FDX2: variants seen among roughly 807,000 people sequenced by gnomAD.
FDX2 encodes ferredoxin-2, mitochondrial.
A neutral mutation model predicts 18.5 loss-of-function variants in FDX2; 13 were observed. The observed-to-expected ratio is 0.70, with a 90% confidence interval of 0.46 to 1.12. FDX2 has a LOEUF of 1.12. FDX2 is among the 50% of genes most tolerant of loss of function. FDX2 has a pLI of 0.00. For synonymous variants in FDX2, 132 were observed against 106.2 expected, an observed-to-expected ratio of 1.24 and a Z score of -1.49; for missense variants, 238 against 250.4, an observed-to-expected ratio of 0.95 and a Z score of 0.34.
chr19:10,311,703 ATT>A (rs35145849), intron 3 of FDX2, among the ~76,000 whole-genome samples: 36 of 116,804 alleles, frequency 3.1e-4, no homozygotes, highest in Admixed American at 2.7e-4. Context: ...CCCGGCCAGG[ATT>A]TTTTTTTTTT....
At chr19:10,315,641 G>C (rs111313038) in intron 2 of FDX2, 64 bp downstream of exon 2, 1 of 1,534,114 alleles carries the variant, frequency 6.5e-7, no homozygotes, top group Non-Finnish European at 8.8e-7. Context: ...AAGCTACAGG[G>C]CAAGATGGGG....
At chr19:10,314,748 G>A (rs914869771) in intron 3 of FDX2, among the ~76,000 whole-genome samples, 3 of 152,172 alleles carry the variant, frequency 2.0e-5, no homozygotes, top group African/African-American at 4.8e-5. Flanking sequence ...TTCAGACAGA[G>A]GGAACAGCAA....
In FDX2 at chr19:10,310,489, G is replaced by C; in HGVS notation, c.558C>G (p.His186Gln). ...TGGAATGGTCCAGGTGTTCATGTCA[G>C]TGGGGCTTGGGGACATGGCCATCCA... The change falls in exon 5 of 5, where the codon CAC becomes CAG. Residue 186 changes from histidine (H) to glutamine (Q), a missense_variant. His to Gln is a conservative substitution (Grantham distance 24, BLOSUM62 0). Transcript: ENST00000393708. 1 of 1,614,190 alleles carries C rather than the reference G, an allele frequency of 6.2e-7. No individual in the cohort carries two copies. The highest frequency in any genetic ancestry group is 8.5e-7 in the Non-Finnish European group (1 of 1,180,030).
At chr19:10,311,031 C>T in intron 3 of FDX2, 91 bp from the exon 4 acceptor site, 4 of 889,576 alleles carry the variant, frequency 4.5e-6, no homozygotes, top group Non-Finnish European at 6.9e-6. Context: ...ACCTCTCTTC[C>T]ACCACGTGCC....
intron 3 of FDX2, 49 bp downstream of exon 3, chr19:10,315,337 T>TTTTTTTTTG: frequency 9.4e-7 from 1 of 1,064,558 alleles, no homozygotes; most frequent in Non-Finnish European, 1.3e-6. Context: ...TTTTTTTTTT[T>TTTTTTTTTG]TGGACAAATG....
chr19:10,311,940 G>A (rs1349408715), intron 3 of FDX2, among the ~76,000 whole-genome samples: 5 of 142,256 alleles, frequency 3.5e-5, no homozygotes, highest in Non-Finnish European at 7.5e-5. Flanking sequence ...GTATGATCTC[G>A]GCTCAATGCA....
At chr19:10,313,484 T>C (rs963364061) in intron 3 of FDX2, among the ~76,000 whole-genome samples, 1 of 151,628 alleles carries the variant, frequency 6.6e-6, no homozygotes, top group Non-Finnish European at 1.5e-5. Context: ...CACAGATTAG[T>C]GGCTACAATG....
rs185280935 is a variant in FDX2 at position 10,312,160 on chromosome 19, G to A, written c.317-1220C>T. Among the ~76,000 whole-genome samples, 30 of 145,108 alleles carry A rather than the reference G, an allele frequency of 2.1e-4. 1 individual carries two copies. In the East Asian group the frequency reaches 5.1e-3, roughly 24 times the overall value. On this transcript the variant is annotated intron_variant, in intron 3 of 4. Transcript: ENST00000393708. ...GCTGGGATTACAGGTGTGAGCCACC[G>A]CACCTGGCCATATTTTTTTTTTTTT...
At chr19:10,314,735 C>G (rs1034193445) in intron 3 of FDX2, among the ~76,000 whole-genome samples, 2 of 152,184 alleles carry the variant, frequency 1.3e-5, no homozygotes, top group African/African-American at 4.8e-5. Context: ...GCTGGGAAAG[C>G]ACTTCAGACA....
chr19:10,315,631 A>C, intron 2 of FDX2, 74 bp downstream of exon 2: 1 of 1,527,488 alleles, frequency 6.5e-7, no homozygotes. Flanking sequence ...CCTCGAGATG[A>C]AGCTACAGGG....
intron 3 of FDX2, among the ~76,000 whole-genome samples, chr19:10,314,355 A>G (rs781289294): frequency 6.6e-6 from 1 of 152,260 alleles, no homozygotes. Context: ...GGCAACAGAT[A>G]AGCATGAATA....
intron 3 of FDX2, among the ~76,000 whole-genome samples, chr19:10,314,506 T>C (rs1182428113): frequency 6.6e-6 from 1 of 151,396 alleles, no homozygotes; most frequent in Non-Finnish European, 1.5e-5. Context: ...AGTTCAAGGC[T>C]GCAGTGAGGT....
At position 10,316,011 on chromosome 19, in the gene FDX2, G is replaced by C. The variant is rs755146983; in HGVS notation, c.-6C>G. The C allele has an allele frequency of 1.3e-6, 2 of 1,595,094 alleles. No homozygotes were observed. Among genetic ancestry groups the C allele is most frequent in the Non-Finnish European group, 1.7e-6 (2 of 1,175,336 alleles). On this transcript the variant is annotated 5_prime_UTR_variant, in exon 1 of 5. Coordinates refer to ENST00000393708, the MANE Select transcript of FDX2 (RefSeq NM_001031734.4). ...GAGGCGGCCATGACATGCATCACGT[G>C]ACTCACCGACTGAGCATGCGCCGCG... is the stretch of plus-strand genomic sequence containing the variant.
chr19:10,311,700 AG>A (rs1372631515), intron 3 of FDX2, among the ~76,000 whole-genome samples: 2 of 135,282 alleles, frequency 1.5e-5, no homozygotes, highest in Non-Finnish European at 3.1e-5. Context: ...GCACCCGGCC[AG>A]GATTTTTTTT....
chr19:10,310,923 G>C lies in FDX2; in HGVS notation c.334C>G (p.Leu112Val). The C allele has an allele frequency of 6.2e-7, 1 of 1,613,010 alleles. No homozygotes were observed. Among genetic ancestry groups the C allele is most frequent in the Non-Finnish European group, 8.5e-7 (1 of 1,179,478 alleles). The change falls in exon 4 of 5, where the codon CTG (leucine) becomes GTG (valine). Residue 112 changes from leucine (L) to valine (V), a missense_variant. Transcript: ENST00000393708. ...TACACATGGCAGGTGGAGCAGGCCA[G>C]GGAGGCTTCACAGGCCCCTAGGGGT... is the stretch of plus-strand genomic sequence containing the variant.
At chr19:10,310,685 CTGGG>C in intron 4 of FDX2, 43 bp from the exon 5 acceptor site, 4 of 641,282 alleles carry the variant, frequency 6.2e-6, no homozygotes, top group Non-Finnish European at 7.1e-6. Flanking sequence ...GGCAAGCTAG[CTGGG>C]TGGGTGGGGG....
At chr19:10,311,866 ATTTTTTTTTT>A (rs34531286) in intron 3 of FDX2, among the ~76,000 whole-genome samples, 1 of 97,278 alleles carries the variant, frequency 1.0e-5, no homozygotes, top group Non-Finnish European at 1.9e-5. Context: ...CACCTGGCTA[ATTTTTTTTTT>A]TTTTTTTTTT....
At chr19:10,315,251 GT>G (rs1568307696) in intron 3 of FDX2, 134 bp downstream of exon 3, 2 of 666,058 alleles carry the variant, frequency 3.0e-6, no homozygotes. Context: ...TGAGGCCATG[GT>G]GAGGGGTTTG....
Position 10,310,470 on chromosome 19 carries a change from G to A in FDX2, c.*16C>T, listed in dbSNP as rs770276519. The A allele has an allele frequency of 6.2e-7, 1 of 1,614,124 alleles. No homozygotes were observed. Among genetic ancestry groups the A allele is most frequent in the Non-Finnish European group, 8.5e-7 (1 of 1,179,994 alleles). On this transcript the variant is annotated 3_prime_UTR_variant, in exon 5 of 5. Transcript: ENST00000393708. Reference sequence around the variant, plus strand: ...CCCTGGGGCCATGGCAATGTGGAATGGTCCAGGTGTTCATGTCAGTGGGGC... The same window carrying A: ...CCCTGGGGCCATGGCAATGTGGAATAGTCCAGGTGTTCATGTCAGTGGGGC...
Sources: gnomAD v4.1 joint callset for allele counts (sites outside exome capture counted in the v4.1 genomes callset) on GRCh38, gnomAD v4.1.1 for gene constraint, MANE v1.5 for transcripts, NCBI Gene and HGNC (gene_info 2026-07-23, HGNC 2026-07-21) for gene names.